Variants in FYB1 observed in about 807,000 individuals in gnomAD.
FYB1 encodes the protein FYN-binding protein 1.
In FYB1, 41 loss-of-function variants were observed where a neutral mutation model predicts 94.1. That is an observed-to-expected ratio of 0.44 (90% CI 0.34 to 0.57). The LOEUF is 0.57. FYB1 is among the 20% of genes least tolerant of loss of function. The pLI, the probability that FYB1 is intolerant of heterozygous loss-of-function variation, is 0.02. For synonymous variants in FYB1, 367 were observed against 353.2 expected (o/e 1.04, Z -0.44); for missense variants, 1,050 against 976.8 (o/e 1.07, Z -1.00).
intron 2 of FYB1, among the ~76,000 whole-genome samples, chr5:39,186,650 T>C (rs200275300): frequency 6.8e-6 from 1 of 147,260 alleles, no homozygotes; most frequent in Non-Finnish European, 1.5e-5. Flanking sequence ...TTTTTTTTTT[T>C]TTTTTTTTTT....
chr5:39,152,251 A>G (rs1419628602), intron 3 of FYB1, among the ~76,000 whole-genome samples: 1 of 152,250 alleles, frequency 6.6e-6, no homozygotes, highest in Non-Finnish European at 1.5e-5. Flanking sequence ...CCTTCTACTT[A>G]CTATCCTTAA....
At chr5:39,167,980 C>A (rs1437928330) in intron 2 of FYB1, among the ~76,000 whole-genome samples, 2 of 152,138 alleles carry the variant, frequency 1.3e-5, no homozygotes, top group African/African-American at 2.4e-5. Context: ...AACAACAGTG[C>A]CCATCACAAA....
chr5:39,137,770 G>A (rs756893446), intron 6 of FYB1, 50 bp from the exon 7 acceptor site: 19 of 1,546,594 alleles, frequency 1.2e-5, no homozygotes, highest in South Asian at 3.6e-5. Context: ...GTGTTGATGC[G>A]TCGGAACTCC....
At chr5:39,180,674 T>G (rs1746142060) in intron 2 of FYB1, among the ~76,000 whole-genome samples, 1 of 152,154 alleles carries the variant, frequency 6.6e-6, no homozygotes, top group Non-Finnish European at 1.5e-5. Flanking sequence ...CTCCACGAAG[T>G]GGTAAAATGT....
At chr5:39,184,443 T>TCC in intron 2 of FYB1, among the ~76,000 whole-genome samples, 1 of 152,294 alleles carries the variant, frequency 6.6e-6, no homozygotes, top group Non-Finnish European at 1.5e-5. Flanking sequence ...AAAACAAAAG[T>TCC]TAAACGGGCT....
At chr5:39,262,994 T>C (rs1752285765) in intron 1 of FYB1, among the ~76,000 whole-genome samples, 1 of 152,182 alleles carries the variant, frequency 6.6e-6, no homozygotes, top group Non-Finnish European at 1.5e-5. Flanking sequence ...AAAGGGACTT[T>C]AATTTTCTCT....
In FYB1 at chr5:39,137,633, T is replaced by A; in HGVS notation, c.1482A>T (p.Glu494Asp). The part of the protein sequence containing the change: ...ELEKKEQKEK[E>D]KKEQEIKKKF... ...TCTTCTTTATTTCTTGTTCTTTCTT[T>A]TCTTTCTCTTTCTGTTCCTTTTTCT... The change falls in exon 7 of 19, where the codon GAA becomes GAT. Residue 494 changes from glutamate to aspartate, a missense_variant. By Grantham distance (45) the Glu-to-Asp change is conservative. Transcript: ENST00000512982. 2 of 1,535,986 alleles carry A rather than the reference T, an allele frequency of 1.3e-6. No individual in the cohort carries two copies. Among genetic ancestry groups the A allele is most frequent in the Non-Finnish European group, 1.8e-6 (2 of 1,134,058 alleles).
chr5:39,143,805 G>A (rs112395859), intron 3 of FYB1, among the ~76,000 whole-genome samples: 1 of 151,994 alleles, frequency 6.6e-6, no homozygotes, highest in Non-Finnish European at 1.5e-5. Context: ...GGTAAATATA[G>A]GTAGGGACTA....
At chr5:39,252,236 C>G (rs1751748508) in intron 1 of FYB1, among the ~76,000 whole-genome samples, 1 of 151,056 alleles carries the variant, frequency 6.6e-6, no homozygotes, top group African/African-American at 2.4e-5. Flanking sequence ...TGTAATAATT[C>G]TAAAGATAAC....
chr5:39,107,298 CTT>C lies in FYB1; in HGVS notation c.*143_*144del. The C allele has an allele frequency of 2.0e-6, 1 of 491,468 alleles. No homozygotes were observed. The highest frequency in any genetic ancestry group is 4.6e-5 in the South Asian group (1 of 21,522). 30.4% of individuals were successfully genotyped at this position (491,468 alleles called of 1,614,324 possible). A position where few individuals can be genotyped will look rare whatever the true frequency, so the allele number is the denominator to read the frequency against. On this transcript the variant is annotated 3_prime_UTR_variant, in exon 19 of 19. Transcript: ENST00000512982. Reference sequence around the variant, plus strand: ...ATTTTCTATGTTCAAACTTTAAACACTTTGTAAAGATAATTGGGATTTCATAA... The same window carrying C: ...ATTTTCTATGTTCAAACTTTAAACACTGTAAAGATAATTGGGATTTCATAA...
At chr5:39,117,076 T>C (rs1580303916) in intron 16 of FYB1, among the ~76,000 whole-genome samples, 2 of 152,240 alleles carry the variant, frequency 1.3e-5, no homozygotes, top group East Asian at 3.9e-4. Context: ...GACAATTCTC[T>C]CTTGTAAAAA....
chr5:39,161,067 T>G (rs1744202105), intron 2 of FYB1, among the ~76,000 whole-genome samples: 1 of 152,220 alleles, frequency 6.6e-6, no homozygotes, highest in South Asian at 2.1e-4. Context: ...AGCTCTCTGT[T>G]TGTACGCAGA....
rs972180649 is a variant in FYB1 at position 39,105,362 on chromosome 5, T to C, written c.*2081A>G. The C allele has an allele frequency of 2.0e-5, 3 of 152,186 alleles. No homozygotes were observed. Among genetic ancestry groups the C allele is most frequent in the African/African-American group, 7.2e-5 (3 of 41,438 alleles). The allele number at this position is 152,186 out of a possible 1,614,324, so 9.4% of individuals were successfully genotyped here. On this transcript the variant is annotated 3_prime_UTR_variant, in exon 19 of 19. Coordinates refer to ENST00000512982, the MANE Select transcript of FYB1 (RefSeq NM_001465.6). ...TATATTAAAATTAATACTTCAAATA[T>C]CTTTCACATTAAGATGATTATCTAT...
rs1220280217 is a variant in FYB1, at chr5:39,232,135, A to G, written c.-27-29148T>C. Among the ~76,000 whole-genome samples the G allele has an allele frequency of 2.6e-5, 4 of 152,138 alleles. No homozygotes were observed. In the East Asian group the frequency reaches 7.7e-4, roughly 29 times the overall value. On this transcript the variant is annotated intron_variant, in intron 1 of 1. Coordinates refer to the FYB1 transcript ENST00000510188. The stretch of plus-strand genomic sequence containing the variant: ...ATAAGAGTGGCTGAAAGAGCAAGAC[A>G]GAAAGATACCTGTTTCAGAACATGC...
rs371551176 is a variant in FYB1, at chr5:39,126,073, T to G, written c.1970A>C (p.Lys657Thr). ...TWSWGILKMLKGKDDRKKSIR... is the reference protein window; with the variant it reads ...TWSWGILKMLTGKDDRKKSIR... ...ACTTTTCTTTCTGTCATCTTTTCCC[T>G]TTAACATCTTCAAAATCCCCCAGGA... The change falls in exon 12 of 19, where the codon AAG becomes ACG. Residue 657 changes from lysine to threonine, a missense_variant. By Grantham distance (78) the Lys-to-Thr change is moderately conservative. Coordinates refer to ENST00000512982, the MANE Select transcript of FYB1 (RefSeq NM_001465.6). 6.2e-7 allele frequency: 1 copy of G among 1,613,484 alleles called. No homozygotes were observed. The highest frequency in any genetic ancestry group is 1.7e-5 in the Admixed American group (1 of 59,952).
intron 1 of FYB1, chr5:39,250,943 C>A (rs919767345): frequency 1.3e-5 from 2 of 152,096 alleles, no homozygotes; most frequent in African/African-American, 4.8e-5. Context: ...AATAAAGAAA[C>A]CAAATATTAA....
At position 39,202,726 on chromosome 5, in the gene FYB1, T is replaced by A; in HGVS notation, c.235A>T (p.Lys79Ter). ...SSEEKPDKEP[K>*]PPFLKPTGAG... ...CCAGTGGGCTTTAGAAACGGGGGCT[T>A]GGGTTCCTTGTCAGGCTTTTCCTCA... The change falls in exon 2 of 19, where the codon AAG becomes TAG. Residue 79 changes from lysine (K) to a stop codon, truncating the protein, a stop_gained. Coordinates refer to ENST00000512982, the MANE Select transcript of FYB1 (RefSeq NM_001465.6). LOFTEE classifies it high-confidence loss of function. 1 of 1,613,936 alleles carries A rather than the reference T, an allele frequency of 6.2e-7. No homozygotes were observed. The highest frequency in any genetic ancestry group is 8.5e-7 in the Non-Finnish European group (1 of 1,179,858).
chr5:39,212,299 C>T (rs1675079198), intron 1 of FYB1, among the ~76,000 whole-genome samples: 2 of 151,524 alleles, frequency 1.3e-5, no homozygotes, highest in Non-Finnish European at 2.9e-5. Context: ...CAGAGCAAGA[C>T]CTTGTCTCAA....
intron 3 of FYB1, 22 bp downstream of exon 3, chr5:39,153,426 C>T (rs551839660): frequency 1.9e-5 from 30 of 1,611,112 alleles, no homozygotes; most frequent in South Asian, 8.8e-5. Flanking sequence ...GGAAAGAAAT[C>T]GCAAGATAAT....
Sources: allele counts gnomAD v4.1 joint callset (sites outside exome capture counted in the v4.1 genomes callset), GRCh38; gene constraint gnomAD v4.1.1; transcripts MANE v1.5; gene names NCBI Gene and HGNC (gene_info 2026-07-23, HGNC 2026-07-21).